FER: variants seen among roughly 807,000 people sequenced by gnomAD.
FER encodes the protein FER tyrosine kinase, also known as tyrosine-protein kinase Fer.
Under a neutral mutation model 111.0 loss-of-function variants are expected in FER, and 63 were observed. The observed-to-expected ratio is 0.57, with a 90% CI of 0.46 to 0.70. The LOEUF is 0.70. FER is among the 30% of genes least tolerant of loss of function. FER has a pLI of 0.00. For synonymous variants in FER, 327 were observed against 313.9 expected, an observed-to-expected ratio of 1.04 and a Z score of -0.44; for missense variants, 914 against 954.0, an observed-to-expected ratio of 0.96 and a Z score of 0.55.
At chr5:108,865,205 G>A (rs536843263) in intron 5 of FER, among the ~76,000 whole-genome samples, 1 of 152,116 alleles carries the variant, frequency 6.6e-6, no homozygotes, top group Non-Finnish European at 1.5e-5. Context: ...CATTGATTTT[G>A]TATCCTGAGA....
intron 3 of FER, among the ~76,000 whole-genome samples, chr5:108,808,275 AGGTGCTTCAATGTTG>A (rs573256656): frequency 6.6e-6 from 1 of 151,808 alleles, no homozygotes; most frequent in Non-Finnish European, 1.5e-5. Flanking sequence ...TTGTGAATCT[AGGTGCTTCAATGTTG>A]GGTGCATATA....
At chr5:109,050,246 G>A (rs1232598080) in intron 16 of FER, among the ~76,000 whole-genome samples, 10 of 152,018 alleles carry the variant, frequency 6.6e-5, no homozygotes, top group Non-Finnish European at 8.8e-5. Flanking sequence ...ACTAGTATCC[G>A]TAATAGGATA....
chr5:108,790,202 A>C (rs1411413598), intron 2 of FER, among the ~76,000 whole-genome samples: 1 of 150,816 alleles, frequency 6.6e-6, no homozygotes, highest in African/African-American at 2.4e-5. Flanking sequence ...ATCCCATCTT[A>C]AAAAACTGTA....
intron 17 of FER, among the ~76,000 whole-genome samples, chr5:109,115,312 A>G (rs572706256): frequency 6.0e-4 from 92 of 152,226 alleles, no homozygotes; most frequent in African/African-American, 1.9e-3. Context: ...AGTAGAATCA[A>G]CATGATTTAT....
intron 3 of FER, among the ~76,000 whole-genome samples, chr5:108,826,042 T>C (rs531825454): frequency 2.0e-5 from 3 of 152,342 alleles, no homozygotes; most frequent in East Asian, 3.9e-4. Flanking sequence ...TTTTTTACCA[T>C]TGACTATGTT....
intron 13 of FER, among the ~76,000 whole-genome samples, chr5:108,980,042 C>T (rs1240170036): frequency 6.7e-6 from 1 of 149,948 alleles, no homozygotes; most frequent in East Asian, 1.9e-4. Flanking sequence ...AATTACAAAA[C>T]TTTTGTTTTT....
intron 16 of FER, among the ~76,000 whole-genome samples, chr5:109,056,922 C>A (rs1217387811): frequency 6.6e-6 from 1 of 152,108 alleles, no homozygotes; most frequent in Non-Finnish European, 1.5e-5. Context: ...AAGTCCTTTG[C>A]ATTTCCATAT....
chr5:108,824,963 C>T (rs939800805), intron 3 of FER, among the ~76,000 whole-genome samples: 18 of 152,048 alleles, frequency 1.2e-4, no homozygotes, highest in Non-Finnish European at 2.4e-4. Context: ...GCCACAAAAA[C>T]CAGCAAGTTT....
At chr5:108,916,943 A>T (rs1431039761) in intron 10 of FER, among the ~76,000 whole-genome samples, 2 of 152,162 alleles carry the variant, frequency 1.3e-5, no homozygotes, top group Non-Finnish European at 1.5e-5. Context: ...ATACAAATTA[A>T]TTGAACATAG....
At chr5:108,780,347 T>C (rs561566975) in intron 2 of FER, among the ~76,000 whole-genome samples, 57 of 151,930 alleles carry the variant, frequency 3.8e-4, no homozygotes, top group African/African-American at 1.3e-3. Flanking sequence ...TTTTGAAGGA[T>C]AATTTTTCAA....
chr5:109,043,459 G>C (rs895559206), intron 14 of FER, among the ~76,000 whole-genome samples: 4 of 152,012 alleles, frequency 2.6e-5, no homozygotes, highest in Admixed American at 2.6e-4. Flanking sequence ...TTGACTATTA[G>C]ATTAAATGGT....
intron 17 of FER, among the ~76,000 whole-genome samples, chr5:109,149,267 C>A (rs1582263228): frequency 6.6e-6 from 1 of 152,100 alleles, no homozygotes; most frequent in Non-Finnish European, 1.5e-5. Flanking sequence ...CTTCCCCTTA[C>A]TACAAAGAGT....
rs1759111125 is a variant in FER at position 109,188,391 on chromosome 5, A to AAC, written c.*817_*818insCA. 6.7e-6 allele frequency: 1 copy of AAC among 148,670 alleles called. No individual in the cohort carries two copies. Among genetic ancestry groups the AAC allele is most frequent in the African/African-American group, 2.5e-5 (1 of 40,630 alleles). 9.2% of individuals were successfully genotyped at this position (148,670 alleles called of 1,614,324 possible). A position where few individuals can be genotyped will look rare whatever the true frequency, so the allele number is the denominator to read the frequency against. ...ATGGTGAAACCCTGTCTCTACCAAA[A>AAC]AAAAAAAAAGAAACACACACACAAC... On this transcript the variant is annotated 3_prime_UTR_variant, in exon 20 of 20. Transcript: ENST00000281092.
In FER at chr5:108,930,267, C is replaced by T. The variant is rs1168634637; in HGVS notation, c.1237-15863C>T. ...CTTCAAGCAGTCTTCCTGACCAGGCCTCCCAAAGTAAAAGGATTACAGGCA... is the reference window on the plus strand; with the variant it reads ...CTTCAAGCAGTCTTCCTGACCAGGCTTCCCAAAGTAAAAGGATTACAGGCA... On this transcript the variant is annotated intron_variant, in intron 10 of 19. Transcript: ENST00000281092. 2.0e-5 allele frequency among the ~76,000 whole-genome samples: 3 copies of T among 150,302 alleles called. No individual in the cohort carries two copies. The East Asian group carries it at 6.0e-4, about 30-fold the overall frequency.
intron 7 of FER, 131 bp downstream of exon 7, chr5:108,871,633 T>C (rs112471486): frequency 2.0e-4 from 120 of 612,464 alleles, no homozygotes; most frequent in African/African-American, 1.5e-3. Flanking sequence ...TATTAATTTA[T>C]CTGCTTTTAA....
At chr5:109,013,066 TTTTAA>T (rs1298126994) in intron 13 of FER, among the ~76,000 whole-genome samples, 7 of 151,562 alleles carry the variant, frequency 4.6e-5, no homozygotes, top group African/African-American at 9.7e-5. Flanking sequence ...GCTTTTTTTT[TTTTAA>T]TTTAATTTAA....
At chr5:109,111,429 A>T (rs1749609732) in intron 17 of FER, among the ~76,000 whole-genome samples, 1 of 152,148 alleles carries the variant, frequency 6.6e-6, no homozygotes, top group Non-Finnish European at 1.5e-5. Context: ...ATGTACTCTA[A>T]AGCAAAATGA....
At chr5:108,952,192 A>G (rs573217247) in intron 11 of FER, among the ~76,000 whole-genome samples, 7 of 152,246 alleles carry the variant, frequency 4.6e-5, no homozygotes, top group African/African-American at 1.7e-4. Context: ...ATCTCAGATA[A>G]CTTACCAACA....
chr5:109,110,650 A>T (rs1749497904), intron 17 of FER, among the ~76,000 whole-genome samples: 2 of 151,866 alleles, frequency 1.3e-5, no homozygotes, highest in Non-Finnish European at 2.9e-5. Flanking sequence ...TATATTTTTT[A>T]ATTTTATTAT....
Sources: gnomAD v4.1 joint callset for allele counts (sites outside exome capture counted in the v4.1 genomes callset) on GRCh38, gnomAD v4.1.1 for gene constraint, MANE v1.5 for transcripts, NCBI Gene and HGNC (gene_info 2026-07-23, HGNC 2026-07-21) for gene names.